The following FUT8 variants were observed in gnomAD, a reference collection of about 807,000 sequenced individuals.
FUT8 encodes fucosyltransferase 8.
FUT8 carries 29 observed loss-of-function variants against 71.3 expected under a neutral mutation model. The observed-to-expected ratio is 0.41, with a 90% confidence interval of 0.30 to 0.55. FUT8 has a LOEUF of 0.55. FUT8 is among the 20% of genes least tolerant of loss of function. The pLI is 0.34. For synonymous variants in FUT8, 254 were observed against 239.3 expected (o/e 1.06, Z -0.57); for missense variants, 544 against 702.1 (o/e 0.77, Z 2.55).
chr14:65,463,378 C>T (rs959205666), intron 2 of FUT8, among the ~76,000 whole-genome samples: 3 of 152,104 alleles, frequency 2.0e-5, no homozygotes, highest in Admixed American at 2.0e-4. Flanking sequence ...GTGATTCTCC[C>T]ACATCAGCCT....
intron 1 of FUT8, among the ~76,000 whole-genome samples, chr14:65,447,305 A>C (rs1415206014): frequency 6.6e-6 from 1 of 151,778 alleles, no homozygotes; most frequent in Admixed American, 6.6e-5. Flanking sequence ...AAAAAAAAAA[A>C]AACCCAAAAG....
At position 65,572,788 on chromosome 14, in the gene FUT8, T is replaced by C. The variant is rs188611412; in HGVS notation, c.203+11022T>C. ...CATGTATGCACATAACAACAAAGTG[T>C]GAAATACCTGAGGCAAAATATGTGA... On this transcript the variant is annotated intron_variant, in intron 3 of 10. Transcript: ENST00000673929. 7.9e-5 allele frequency among the ~76,000 whole-genome samples: 12 copies of C among 152,206 alleles called. No homozygotes were observed. In the East Asian group the frequency reaches 1.9e-3, roughly 24 times the overall value.
the FUT8 span, among the ~76,000 whole-genome samples, chr14:65,402,958 A>G: frequency 6.6e-6 from 1 of 152,204 alleles, no homozygotes; most frequent in Non-Finnish European, 1.5e-5. Flanking sequence ...AAATACCAAC[A>G]GTTGTGTTAT....
intron 2 of FUT8, among the ~76,000 whole-genome samples, chr14:65,523,753 A>T (rs61990026): frequency 0.067 from 10,139 of 152,250 alleles, 385 homozygotes; most frequent in Admixed American, 0.11. Flanking sequence ...TTTTTGTATA[A>T]GGTGTAAGGA....
rs1323297343 is a variant in FUT8, at chr14:65,643,705, CA to C, written c.597+14100del. 6.8e-6 allele frequency among the ~76,000 whole-genome samples: 1 copy of C among 147,742 alleles called. No homozygotes were observed. The highest frequency in any genetic ancestry group is 1.5e-5 in the Non-Finnish European group (1 of 67,002). On this transcript the variant is annotated intron_variant, in intron 6 of 10. Coordinates refer to ENST00000673929, the MANE Select transcript of FUT8 (RefSeq NM_001371533.1). The surrounding 1 kb of genome is among the most constrained non-coding windows in gnomAD (Gnocchi z 4.5). ...ACACACACACACACACACACACACACACACACACACCAGATTCCATTCTAGA... is the reference window on the plus strand; with the variant it reads ...ACACACACACACACACACACACACACCACACACACCAGATTCCATTCTAGA...
chr14:65,601,899 T>G (rs566987441), intron 3 of FUT8, among the ~76,000 whole-genome samples: 1 of 152,308 alleles, frequency 6.6e-6, no homozygotes, highest in African/African-American at 2.4e-5. Flanking sequence ...ATTGATATTT[T>G]GCCATATTTG....
At chr14:65,373,523 G>GT in the FUT8 span, among the ~76,000 whole-genome samples, 1 of 151,960 alleles carries the variant, frequency 6.6e-6, no homozygotes, top group Admixed American at 6.6e-5. Context: ...AAAGAGCGTT[G>GT]TAACACCACT....
intron 7 of FUT8, among the ~76,000 whole-genome samples, chr14:65,700,381 G>GTTGT (rs1894222817): frequency 4.1e-5 from 2 of 48,880 alleles, no homozygotes; most frequent in South Asian, 2.1e-3. Context: ...CTTTCTTTCT[G>GTTGT]TTTTTTTTTT....
chr14:65,455,599 A>G (rs1038713151), intron 1 of FUT8, 22 bp from the exon 2 acceptor site: 47 of 398,186 alleles, frequency 1.2e-4, no homozygotes, highest in African/African-American at 8.6e-4. Context: ...GCTGAATTTC[A>G]TATATTTTTA....
intron 5 of FUT8, among the ~76,000 whole-genome samples, chr14:65,623,883 A>G (rs1365157870): frequency 6.6e-6 from 1 of 152,082 alleles, no homozygotes; most frequent in Non-Finnish European, 1.5e-5. Flanking sequence ...CCCACTTATT[A>G]GATTTCTTGA....
chr14:65,392,899 T>A, the FUT8 span, among the ~76,000 whole-genome samples: 3 of 152,174 alleles, frequency 2.0e-5, no homozygotes, highest in Non-Finnish European at 4.4e-5. Flanking sequence ...AACAAATGAT[T>A]TTTTAGCATA....
intron 7 of FUT8, among the ~76,000 whole-genome samples, chr14:65,704,342 T>A (rs1000244986): frequency 6.6e-6 from 1 of 150,862 alleles, no homozygotes; most frequent in African/African-American, 2.4e-5. Context: ...GAATTGTGAT[T>A]TTTTTTTTTA....
chr14:65,511,976 CT>C (rs1157724081), intron 2 of FUT8, among the ~76,000 whole-genome samples: 1 of 152,116 alleles, frequency 6.6e-6, no homozygotes, highest in Non-Finnish European at 1.5e-5. Context: ...TCCCTTACGT[CT>C]TTCTTTCCTT....
the FUT8 span, among the ~76,000 whole-genome samples, chr14:65,360,611 A>G: frequency 6.6e-6 from 1 of 152,228 alleles, no homozygotes; most frequent in Admixed American, 6.5e-5. Flanking sequence ...TCTGCACTGG[A>G]TAATGAGGAG....
chr14:65,620,199 TTA>T (rs1286232036), intron 5 of FUT8, among the ~76,000 whole-genome samples: 1 of 152,184 alleles, frequency 6.6e-6, no homozygotes, highest in African/African-American at 2.4e-5. Flanking sequence ...CAAGTTCTGT[TTA>T]TGGTAATTTA....
intron 1 of FUT8, among the ~76,000 whole-genome samples, chr14:65,414,937 A>G (rs1356344812): frequency 6.6e-6 from 1 of 152,210 alleles, no homozygotes; most frequent in African/African-American, 2.4e-5. Context: ...TTTTGAATTT[A>G]AAAAGTCACC....
At chr14:65,416,477 C>A (rs2065220803) in intron 1 of FUT8, among the ~76,000 whole-genome samples, 1 of 152,038 alleles carries the variant, frequency 6.6e-6, no homozygotes, top group Non-Finnish European at 1.5e-5. Flanking sequence ...TTGTACCCTG[C>A]ATCAATGCTG....
intron 1 of FUT8, among the ~76,000 whole-genome samples, chr14:65,429,150 T>TA (rs1484388606): frequency 6.6e-6 from 1 of 152,152 alleles, no homozygotes; most frequent in African/African-American, 2.4e-5. Context: ...CAGTATAGTA[T>TA]AAAAAAAGAG....
At chr14:65,434,542 A>G (rs1422656262) in intron 1 of FUT8, among the ~76,000 whole-genome samples, 1 of 152,230 alleles carries the variant, frequency 6.6e-6, no homozygotes, top group Non-Finnish European at 1.5e-5. Flanking sequence ...AAACAATGTA[A>G]AGCCATTTCA....
Sources: allele counts gnomAD v4.1 joint callset (sites outside exome capture counted in the v4.1 genomes callset), GRCh38; gene constraint gnomAD v4.1.1; non-coding constraint Gnocchi (gnomAD v3.1); transcripts MANE v1.5; gene names NCBI Gene and HGNC (gene_info 2026-07-23, HGNC 2026-07-21).